Variants in MAN1A2 observed in about 807,000 individuals in gnomAD.
The protein encoded by MAN1A2 is mannosyl-oligosaccharide 1,2-alpha-mannosidase IB.
Under a neutral mutation model 75.7 loss-of-function variants are expected in MAN1A2, and 26 were observed. The ratio of observed to expected loss-of-function variants is 0.34; its 90% CI spans 0.25 to 0.48. The LOEUF (loss-of-function observed/expected upper bound fraction) is 0.48. Among genes scored for constraint, MAN1A2 ranks in the 20% least tolerant of loss-of-function variants. MAN1A2 has a pLI of 0.99. For synonymous variants in MAN1A2, 247 were observed against 264.6 expected, an observed-to-expected ratio of 0.93 and a Z score of 0.65; for missense variants, 562 against 775.5, an observed-to-expected ratio of 0.72 and a Z score of 3.27.
Position 117,368,044 on chromosome 1 carries a change from C to T in MAN1A2, c.-140C>T. On this transcript the variant is annotated 5_prime_UTR_variant, in exon 1 of 13. Coordinates refer to ENST00000356554, the MANE Select transcript of MAN1A2 (RefSeq NM_006699.5). Reference sequence around the variant, plus strand: ...TGGATGGGCGTGAATGACGTGCCCTCTTAAAAAGCACAACAGTCCTTTAAG... The same window carrying T: ...TGGATGGGCGTGAATGACGTGCCCTTTTAAAAAGCACAACAGTCCTTTAAG... 5 of 783,358 alleles carry T rather than the reference C, an allele frequency of 6.4e-6. No homozygotes were observed. Among genetic ancestry groups the T allele is most frequent in the South Asian group, 5.4e-5 (3 of 55,666 alleles). 48.5% of individuals were successfully genotyped at this position (783,358 alleles called of 1,614,324 possible).
Position 117,507,904 on chromosome 1 carries a change from A to G in MAN1A2, c.1793+4934A>G, listed in dbSNP as rs1020155950. ...TATTCATTGGATTCAGTGAAATAGC[A>G]GTTGGTCAAAAGTCTCTTAAGCTGA... On this transcript the variant is annotated intron_variant, in intron 12 of 12. Coordinates refer to ENST00000356554, the MANE Select transcript of MAN1A2 (RefSeq NM_006699.5). 3.3e-5 allele frequency among the ~76,000 whole-genome samples: 5 copies of G among 151,692 alleles called. No homozygotes were observed. In the Admixed American group the frequency reaches 3.3e-4, roughly 10 times the overall value.
Position 117,496,758 on chromosome 1 carries a change from T to C in MAN1A2, c.1285-5T>C. 6.3e-7 allele frequency: 1 copy of C among 1,598,478 alleles called. No individual in the cohort carries two copies. On this transcript the variant is annotated splice_polypyrimidine_tract_variant and splice_region_variant and intron_variant, in intron 9 of 12. Coordinates refer to ENST00000356554, the MANE Select transcript of MAN1A2 (RefSeq NM_006699.5). ...AAAATTTTGAATATCTTTTCTTTCC[T>C]GTAGGCTATAGAAAAACATCTTATT...
At position 117,497,938 on chromosome 1, in the gene MAN1A2, A is replaced by G. The variant is rs151178410; in HGVS notation, c.1504+956A>G. On this transcript the variant is annotated intron_variant, in intron 10 of 12. Transcript: ENST00000356554. ...TGTTTTAGGGTTAATTTATCATCAG[A>G]TACCATGAAACAAATATGATTGACC... Among the ~76,000 whole-genome samples, 1,194 of 152,036 alleles carry G rather than the reference A, an allele frequency of 7.9e-3. 12 individuals are homozygous for G. The highest frequency in any genetic ancestry group is 0.027 in the African/African-American group (1,124 of 41,530).
intron 8 of MAN1A2, among the ~76,000 whole-genome samples, chr1:117,469,159 C>CG (rs911719753): frequency 1.3e-5 from 2 of 151,892 alleles, no homozygotes; most frequent in Non-Finnish European, 2.9e-5. Context: ...GGTGACAGAG[C>CG]GAGACCCTCT....
At chr1:117,407,843 A>G (rs1647664644) in intron 3 of MAN1A2, among the ~76,000 whole-genome samples, 1 of 152,210 alleles carries the variant, frequency 6.6e-6, no homozygotes, top group Non-Finnish European at 1.5e-5. Flanking sequence ...GGCTGCAGCA[A>G]CTTGAAGCTT....
At chr1:117,466,232 A>G in intron 7 of MAN1A2, 102 bp from the exon 8 acceptor site, 1 of 689,470 alleles carries the variant, frequency 1.5e-6, no homozygotes, top group Non-Finnish European at 2.4e-6. Context: ...GGCAGGGAAT[A>G]GGTGTAGATT....
rs1305526626 is a variant in MAN1A2 at position 117,376,891 on chromosome 1, A to G, written c.302+8406A>G. Among the ~76,000 whole-genome samples the G allele has an allele frequency of 2.6e-5, 4 of 152,228 alleles. No individual in the cohort carries two copies. In the East Asian group the frequency reaches 7.7e-4, roughly 29 times the overall value. On this transcript the variant is annotated intron_variant, in intron 1 of 12. Transcript: ENST00000356554. ...ACATTGCATTTACATTATATTAGGTATTATAAGTAAGCTAGAGTTAATTTT... is the reference window on the plus strand; with the variant it reads ...ACATTGCATTTACATTATATTAGGTGTTATAAGTAAGCTAGAGTTAATTTT...
At chr1:117,476,439 A>C (rs183730372) in intron 8 of MAN1A2, among the ~76,000 whole-genome samples, 30 of 152,178 alleles carry the variant, frequency 2.0e-4, no homozygotes, top group Admixed American at 9.2e-4. Flanking sequence ...GTCCATGCCT[A>C]TGTCCTGAAT....
chr1:117,404,912 A>T (rs1222728292), intron 2 of MAN1A2, among the ~76,000 whole-genome samples: 6 of 152,060 alleles, frequency 3.9e-5, no homozygotes, highest in African/African-American at 9.7e-5. Context: ...AAAATTAGCC[A>T]GGTGTGGTGG....
intron 9 of MAN1A2, 156 bp downstream of exon 9, chr1:117,493,418 T>C: frequency 2.1e-6 from 1 of 480,728 alleles, no homozygotes; most frequent in East Asian, 3.5e-5. Flanking sequence ...TTTGTTACTA[T>C]TTTAATAGAA....
intron 4 of MAN1A2, among the ~76,000 whole-genome samples, chr1:117,415,538 T>C (rs994397795): frequency 6.6e-6 from 1 of 152,206 alleles, no homozygotes; most frequent in African/African-American, 2.4e-5. Context: ...TGGTTTACTT[T>C]CCTTTATATT....
chr1:117,449,449 C>T (rs1384971090), intron 6 of MAN1A2, among the ~76,000 whole-genome samples: 2 of 151,456 alleles, frequency 1.3e-5, no homozygotes, highest in Non-Finnish European at 2.9e-5. Context: ...GTACCAGTTA[C>T]TTGGGAAGCC....
Position 117,496,692 on chromosome 1 carries a change from C to T in MAN1A2, c.1285-71C>T, listed in dbSNP as rs1651044749. On this transcript the variant is annotated intron_variant, in intron 9 of 12. Coordinates refer to ENST00000356554, the MANE Select transcript of MAN1A2 (RefSeq NM_006699.5). ...CATATTACCCAGGTTTTATAATGGC[C>T]AGAAGGATATAGTAAGTTTGAACAC... 8.1e-6 allele frequency: 9 copies of T among 1,115,430 alleles called. No homozygotes were observed. The South Asian group carries it at 1.2e-4, about 15-fold the overall frequency. The allele number at this position is 1,115,430 out of a possible 1,614,324, so 69.1% of individuals were successfully genotyped here. A position where few individuals can be genotyped will look rare whatever the true frequency, so the allele number is the denominator to read the frequency against.
intron 8 of MAN1A2, among the ~76,000 whole-genome samples, chr1:117,483,996 T>C (rs60708808): frequency 0.034 from 5,158 of 151,956 alleles, 153 homozygotes; most frequent in African/African-American, 0.073. Context: ...CAAATAATCA[T>C]TGTATAACCA....
chr1:117,382,942 G>C (rs1377854457), intron 1 of MAN1A2, among the ~76,000 whole-genome samples: 1 of 152,010 alleles, frequency 6.6e-6, no homozygotes, highest in Non-Finnish European at 1.5e-5. Flanking sequence ...GAGTTCATTG[G>C]GATTTACTAT....
At chr1:117,374,094 G>A (rs1653063306) in intron 1 of MAN1A2, among the ~76,000 whole-genome samples, 1 of 152,100 alleles carries the variant, frequency 6.6e-6, no homozygotes, top group Admixed American at 6.5e-5. Flanking sequence ...GAGGCCAGGA[G>A]TTTGAGACTA....
chr1:117,496,662 A>G, intron 9 of MAN1A2, 101 bp from the exon 10 acceptor site: 1 of 805,544 alleles, frequency 1.2e-6, no homozygotes, highest in Non-Finnish European at 2.0e-6. Flanking sequence ...TACTTTATAG[A>G]CTATCATATT....
chr1:117,432,801 C>T (rs1344183028), intron 5 of MAN1A2, among the ~76,000 whole-genome samples: 1 of 151,328 alleles, frequency 6.6e-6, no homozygotes, highest in African/African-American at 2.4e-5. Flanking sequence ...AACTACAGAC[C>T]AGTATACTTT....
intron 8 of MAN1A2, among the ~76,000 whole-genome samples, chr1:117,484,737 A>G (rs1042058591): frequency 1.5e-4 from 23 of 151,972 alleles, no homozygotes; most frequent in African/African-American, 4.6e-4. Context: ...TTGACTATCA[A>G]TGGCACCATG....
Sources: allele counts gnomAD v4.1 joint callset (sites outside exome capture counted in the v4.1 genomes callset), GRCh38; gene constraint gnomAD v4.1.1; transcripts MANE v1.5; gene names NCBI Gene and HGNC (gene_info 2026-07-23, HGNC 2026-07-21).